ENTPD1: variants seen among roughly 807,000 people sequenced by gnomAD.
The protein encoded by ENTPD1 is ATP diphosphohydrolase.
Under a neutral mutation model 57.0 loss-of-function variants are expected in ENTPD1, and 33 were observed. The ratio of observed to expected loss-of-function variants is 0.58; its 90% CI spans 0.44 to 0.77. ENTPD1 has a LOEUF of 0.77. Ranked by LOEUF, ENTPD1 falls within the 30% of genes least tolerant of loss-of-function variation. The probability of loss-of-function intolerance (pLI) is 0.00; values close to 1 mark genes in which losing one functional copy is unlikely to be tolerated. For synonymous variants in ENTPD1, 202 were observed against 218.8 expected, an observed-to-expected ratio of 0.92 and a Z score of 0.68; for missense variants, 501 against 603.4, an observed-to-expected ratio of 0.83 and a Z score of 1.78.
intron 1 of ENTPD1, among the ~76,000 whole-genome samples, chr10:95,777,500 T>G (rs1249405330): frequency 5.9e-5 from 9 of 152,218 alleles, no homozygotes; most frequent in Non-Finnish European, 1.2e-4. Context: ...CAGCAAATAT[T>G]GCTGCCTGAT....
In ENTPD1 at chr10:95,756,216, G is replaced by T; in HGVS notation, c.-24G>T. 6.3e-7 allele frequency: 1 copy of T among 1,592,130 alleles called. No homozygotes were observed. The highest frequency in any genetic ancestry group is 8.6e-7 in the Non-Finnish European group (1 of 1,168,648). On this transcript the variant is annotated 5_prime_UTR_variant, in exon 1 of 10. In the 5' UTR this introduces an upstream ATG that the reference lacks. Coordinates refer to ENST00000371205, the MANE Select transcript of ENTPD1 (RefSeq NM_001776.6). The stretch of plus-strand genomic sequence containing the variant: ...TGGGGGGGGGAAAGACGAGGAAAGA[G>T]GAGGAAAACAAAAGCTGCTACTTAT...
chr10:95,718,047 A>G (rs2097973602), intron 1 of ENTPD1, among the ~76,000 whole-genome samples: 1 of 152,178 alleles, frequency 6.6e-6, no homozygotes, highest in Admixed American at 6.5e-5. Flanking sequence ...GGTTTCCTTT[A>G]GAAAAACTCC....
intron 1 of ENTPD1, among the ~76,000 whole-genome samples, chr10:95,787,440 A>G (rs983506471): frequency 6.6e-6 from 1 of 152,178 alleles, no homozygotes; most frequent in African/African-American, 2.4e-5. Flanking sequence ...TTTAGGAAGG[A>G]GAGGGGATGT....
At chr10:95,734,198 T>C (rs908265464) in intron 1 of ENTPD1, among the ~76,000 whole-genome samples, 19 of 152,286 alleles carry the variant, frequency 1.2e-4, no homozygotes, top group African/African-American at 4.3e-4. Context: ...GAAACCCTTC[T>C]CCCAGTTTCT....
At chr10:95,776,921 G>A (rs551574305) in intron 1 of ENTPD1, among the ~76,000 whole-genome samples, 3 of 151,996 alleles carry the variant, frequency 2.0e-5, no homozygotes, top group African/African-American at 4.8e-5. Context: ...CCATTTGATC[G>A]AATTGGCTAA....
intron 1 of ENTPD1, among the ~76,000 whole-genome samples, chr10:95,724,657 C>T (rs576341170): frequency 2.6e-5 from 4 of 152,262 alleles, no homozygotes; most frequent in Non-Finnish European, 5.9e-5. Flanking sequence ...ATGGGCACCT[C>T]GCTGGATCAG....
intron 1 of ENTPD1, among the ~76,000 whole-genome samples, chr10:95,819,779 A>C (rs1318215586): frequency 6.6e-6 from 1 of 152,220 alleles, no homozygotes; most frequent in East Asian, 1.9e-4. Context: ...GGCCGTCTTA[A>C]ATTCTCCAGT....
At position 95,793,232 on chromosome 10, in the gene ENTPD1, A is replaced by C. The variant is rs553583395; in HGVS notation, c.17-30005A>C. ...GACTGCTTCTAAAAAGCAGGCTGATAGTAACTGAGGGAATTGCCTAATAAG... is the reference window on the plus strand; with the variant it reads ...GACTGCTTCTAAAAAGCAGGCTGATCGTAACTGAGGGAATTGCCTAATAAG... On this transcript the variant is annotated intron_variant, in intron 1 of 9. Coordinates refer to ENST00000371205, the MANE Select transcript of ENTPD1 (RefSeq NM_001776.6). Among the ~76,000 whole-genome samples, 28 of 152,344 alleles carry C rather than the reference A, an allele frequency of 1.8e-4. 1 individual carries two copies. The South Asian group carries it at 5.8e-3, about 32-fold the overall frequency.
the ENTPD1 span, among the ~76,000 whole-genome samples, chr10:95,699,122 C>T: frequency 6.6e-6 from 1 of 152,046 alleles, no homozygotes; most frequent in Non-Finnish European, 1.5e-5. Flanking sequence ...CTGCAGTGAG[C>T]CATGATCACA....
At chr10:95,750,140 T>C (rs1283430831) in intron 1 of ENTPD1, among the ~76,000 whole-genome samples, 1 of 152,198 alleles carries the variant, frequency 6.6e-6, no homozygotes, top group African/African-American at 2.4e-5. Context: ...AGGCCTGAGA[T>C]GTTAATGAAA....
At chr10:95,761,794 T>C (rs2140002003) in intron 1 of ENTPD1, among the ~76,000 whole-genome samples, 1 of 152,316 alleles carries the variant, frequency 6.6e-6, no homozygotes, top group East Asian at 1.9e-4. Context: ...ACTTGAGAAG[T>C]ACTGGAGCAG....
intron 1 of ENTPD1, among the ~76,000 whole-genome samples, chr10:95,788,713 A>G (rs1385755577): frequency 6.6e-6 from 1 of 152,224 alleles, no homozygotes; most frequent in East Asian, 1.9e-4. Context: ...TGGATGAGAA[A>G]AGCGAAAAGC....
intron 1 of ENTPD1, among the ~76,000 whole-genome samples, chr10:95,816,074 G>C (rs1285662563): frequency 6.6e-6 from 1 of 152,142 alleles, no homozygotes; most frequent in Non-Finnish European, 1.5e-5. Flanking sequence ...CTCCCGGCAA[G>C]TCATCTTCCA....
At chr10:95,757,098 CCTT>C (rs2139939934) in intron 1 of ENTPD1, among the ~76,000 whole-genome samples, 1 of 152,264 alleles carries the variant, frequency 6.6e-6, no homozygotes, top group African/African-American at 2.4e-5. Context: ...TCCTTCTCCT[CCTT>C]CTTTATCATC....
chr10:95,876,852 A>G lies in ENTPD1; in HGVS notation c.*10469A>G, dbSNP rs2098486234. Among the ~76,000 whole-genome samples, 1 of 152,240 alleles carries G rather than the reference A, an allele frequency of 6.6e-6. No individual in the cohort carries two copies. The highest frequency in any genetic ancestry group is 2.1e-4 in the South Asian group (1 of 4,834). On this transcript the variant is annotated 3_prime_UTR_variant, in exon 10 of 10. Coordinates refer to ENST00000371205, the MANE Select transcript of ENTPD1 (RefSeq NM_001776.6). ...ACAAGATTCAGACTTCATGAAGAGCACTGCGCTATAATAAAAGAAGAAATG... is the reference window on the plus strand; with the variant it reads ...ACAAGATTCAGACTTCATGAAGAGCGCTGCGCTATAATAAAAGAAGAAATG...
chr10:95,821,498 A>G (rs987530544), intron 1 of ENTPD1, among the ~76,000 whole-genome samples: 1 of 152,214 alleles, frequency 6.6e-6, no homozygotes, highest in African/African-American at 2.4e-5. Flanking sequence ...ATTAGGTGGC[A>G]TACCCATTAT....
chr10:95,793,300 A>G (rs1566155072), intron 1 of ENTPD1, among the ~76,000 whole-genome samples: 2 of 152,232 alleles, frequency 1.3e-5, no homozygotes, highest in African/African-American at 4.8e-5. Context: ...TCTCTTCCTT[A>G]TAAAGAGAGA....
At chr10:95,782,351 T>C (rs1004648994) in intron 1 of ENTPD1, among the ~76,000 whole-genome samples, 2 of 152,198 alleles carry the variant, frequency 1.3e-5, no homozygotes, top group Admixed American at 1.3e-4. Context: ...TATATTTCCT[T>C]TTTTGTATCA....
chr10:95,819,299 G>A (rs1443067470), intron 1 of ENTPD1, among the ~76,000 whole-genome samples: 1 of 152,058 alleles, frequency 6.6e-6, no homozygotes, highest in Non-Finnish European at 1.5e-5. Flanking sequence ...AAATAGCTGG[G>A]ACTACAGGCA....
Sources: allele counts gnomAD v4.1 joint callset (sites outside exome capture counted in the v4.1 genomes callset), GRCh38; gene constraint gnomAD v4.1.1; transcripts MANE v1.5; gene names NCBI Gene and HGNC (gene_info 2026-07-23, HGNC 2026-07-21).